Variants in NRG1 observed in about 807,000 individuals in gnomAD.
NRG1 encodes the protein neuregulin 1, also known as pro-neuregulin-1, membrane-bound isoform.
Under a neutral mutation model 63.8 loss-of-function variants are expected in NRG1, and 18 were observed. The observed-to-expected ratio is 0.28, with a 90% CI of 0.19 to 0.42. The LOEUF is 0.42. Among genes scored for constraint, NRG1 ranks in the 10% least tolerant of loss-of-function variants. The probability of loss-of-function intolerance (pLI) is 1.00; values close to 1 mark genes in which losing one functional copy is unlikely to be tolerated. For synonymous variants in NRG1, 302 were observed against 301.3 expected (o/e 1.00, Z -0.02); for missense variants, 762 against 814.7 (o/e 0.94, Z 0.79).
chr8:32,035,367 A>T (rs1818874143), intron 1 of NRG1, among the ~76,000 whole-genome samples: 1 of 151,960 alleles, frequency 6.6e-6, no homozygotes, highest in South Asian at 2.1e-4. Flanking sequence ...CAATTATTTG[A>T]TCATTTTTAG....
intron 1 of NRG1, among the ~76,000 whole-genome samples, chr8:32,549,820 TAAAAG>T (rs1454977302): frequency 6.6e-6 from 1 of 152,152 alleles, no homozygotes; most frequent in Non-Finnish European, 1.5e-5. Flanking sequence ...AGGTAGCTGA[TAAAAG>T]AGGGGAGGAA....
chr8:32,275,181 C>T (rs1300980771), intron 1 of NRG1, among the ~76,000 whole-genome samples: 1 of 152,218 alleles, frequency 6.6e-6, no homozygotes, highest in East Asian at 1.9e-4. Context: ...GTGGAGCCTC[C>T]TTCCTCTCCA....
chr8:32,598,091 G>C (rs1588589123), intron 2 of NRG1, among the ~76,000 whole-genome samples: 1 of 152,154 alleles, frequency 6.6e-6, no homozygotes, highest in African/African-American at 2.4e-5. Context: ...AAGGTTTTAT[G>C]CTAGGACTGT....
At chr8:32,303,183 CCAAAAAAAAAAA>C (rs1327301979) in intron 1 of NRG1, among the ~76,000 whole-genome samples, 3 of 59,708 alleles carry the variant, frequency 5.0e-5, no homozygotes, top group East Asian at 5.7e-4. Flanking sequence ...AACTCAGTCT[CCAAAAAAAAAAA>C]AAAAAAAAAA....
chr8:31,852,756 G>A (rs1827385877), intron 1 of NRG1, among the ~76,000 whole-genome samples: 1 of 152,226 alleles, frequency 6.6e-6, no homozygotes, highest in Non-Finnish European at 1.5e-5. Flanking sequence ...TAACATTTAA[G>A]TCTTTAATCC....
chr8:32,702,773 T>C (rs548834510), intron 5 of NRG1, among the ~76,000 whole-genome samples: 64 of 152,312 alleles, frequency 4.2e-4, no homozygotes, highest in Non-Finnish European at 6.6e-4. Context: ...TGAGCCACCA[T>C]GCCAGGCCTG....
At chr8:32,171,981 C>T (rs1369297242) in intron 1 of NRG1, among the ~76,000 whole-genome samples, 1 of 152,168 alleles carries the variant, frequency 6.6e-6, no homozygotes, top group Non-Finnish European at 1.5e-5. Context: ...CCCTGTCTGA[C>T]AGCTTTGAAG....
chr8:32,665,806 A>T (rs1804001539), intron 5 of NRG1, among the ~76,000 whole-genome samples: 1 of 152,210 alleles, frequency 6.6e-6, no homozygotes, highest in Non-Finnish European at 1.5e-5. Context: ...TGTATTTAGA[A>T]CAGTGATACT....
intron 1 of NRG1, among the ~76,000 whole-genome samples, chr8:32,511,379 A>G (rs767363485): frequency 0.054 from 7,717 of 142,870 alleles, 317 homozygotes; most frequent in Middle Eastern, 0.092. Flanking sequence ...ATATATATAT[A>G]TATATATATA....
intron 1 of NRG1, among the ~76,000 whole-genome samples, chr8:32,333,605 G>A (rs2129477769): frequency 6.6e-6 from 1 of 152,238 alleles, no homozygotes; most frequent in Non-Finnish European, 1.5e-5. Flanking sequence ...TTAAATGTAT[G>A]AGAAGAGACC....
At chr8:32,038,916 G>T (rs1200038667) in intron 1 of NRG1, among the ~76,000 whole-genome samples, 1 of 151,880 alleles carries the variant, frequency 6.6e-6, no homozygotes, top group Non-Finnish European at 1.5e-5. Flanking sequence ...TCTGTTGTGG[G>T]CAGCATTGCA....
chr8:31,677,531 G>T (rs1035982529), intron 1 of NRG1, among the ~76,000 whole-genome samples: 5 of 152,016 alleles, frequency 3.3e-5, no homozygotes, highest in African/African-American at 1.2e-4. Context: ...ACTTGAGTCT[G>T]GGAATTTGAG....
chr8:31,995,907 C>CT (rs954193962), intron 1 of NRG1, among the ~76,000 whole-genome samples: 9 of 151,850 alleles, frequency 5.9e-5, no homozygotes, highest in African/African-American at 9.7e-5. Context: ...CAAAATTATC[C>CT]TTTTTTTCTA....
At chr8:32,478,729 G>C (rs1306569231) in intron 1 of NRG1, among the ~76,000 whole-genome samples, 1 of 152,168 alleles carries the variant, frequency 6.6e-6, no homozygotes, top group Non-Finnish European at 1.5e-5. Context: ...AGAGCCAAGG[G>C]TTAAACCATT....
chr8:31,851,909 T>C (rs1280628672), intron 1 of NRG1, among the ~76,000 whole-genome samples: 1 of 151,432 alleles, frequency 6.6e-6, no homozygotes, highest in Non-Finnish European at 1.5e-5. Context: ...ATTTCCAATT[T>C]CATCCATGTC....
chr8:31,840,132 G>A (rs1826051131), intron 1 of NRG1, among the ~76,000 whole-genome samples: 2 of 152,092 alleles, frequency 1.3e-5, no homozygotes, highest in Admixed American at 1.3e-4. Context: ...AACAATTTAC[G>A]AAAATGTATG....
intron 1 of NRG1, among the ~76,000 whole-genome samples, chr8:32,404,804 T>A (rs1287270472): frequency 6.6e-6 from 1 of 152,016 alleles, no homozygotes; most frequent in Non-Finnish European, 1.5e-5. Context: ...AGGCTTGTCT[T>A]GAACTCCTAA....
intron 1 of NRG1, among the ~76,000 whole-genome samples, chr8:32,238,038 A>G (rs1435583922): frequency 1.3e-5 from 2 of 152,306 alleles, no homozygotes; most frequent in Non-Finnish European, 2.9e-5. Flanking sequence ...TGCAATCAGT[A>G]CTGTGGTTTC....
chr8:31,864,490 AG>A (rs1318908903), intron 1 of NRG1, among the ~76,000 whole-genome samples: 1 of 152,156 alleles, frequency 6.6e-6, no homozygotes, highest in African/African-American at 2.4e-5. Flanking sequence ...GAAGAGCACA[AG>A]GAGGGAAAGG....
Sources: allele counts gnomAD v4.1 joint callset (sites outside exome capture counted in the v4.1 genomes callset), GRCh38; gene constraint gnomAD v4.1.1; transcripts MANE v1.5; gene names NCBI Gene and HGNC (gene_info 2026-07-23, HGNC 2026-07-21).